Variants in FAP observed in about 807,000 individuals in gnomAD.
FAP encodes prolyl endopeptidase FAP.
FAP carries 110 observed loss-of-function variants against 126.5 expected under a neutral mutation model. That is an observed-to-expected ratio of 0.87 (90% confidence interval 0.74 to 1.02). The LOEUF (loss-of-function observed/expected upper bound fraction) is 1.02, where lower values mean the gene tolerates loss of function less well. Ranked by LOEUF, FAP falls within the 50% of genes least tolerant of loss-of-function variation. FAP has a pLI of 0.00. For synonymous variants in FAP, 334 were observed against 297.3 expected (o/e 1.12, Z -1.27); for missense variants, 919 against 909.2 (o/e 1.01, Z -0.14).
rs557348993 is a variant in FAP, at chr2:162,242,779, T to A, written c.91+129A>T. The A allele has an allele frequency of 9.5e-4, 645 of 677,204 alleles. 5 individuals are homozygous for A. In the Middle Eastern group the frequency reaches 0.019, roughly 20 times the overall value. The allele number at this position is 677,204 out of a possible 1,614,324, so 41.9% of individuals were successfully genotyped here. ...AACAACATATCTGTGAGCTTATATG[T>A]CTTCTTAGAAATAACAGACTTACTT... On this transcript the variant is annotated intron_variant, in intron 2 of 25. Coordinates refer to ENST00000188790, the MANE Select transcript of FAP (RefSeq NM_004460.5).
At position 162,221,729 on chromosome 2, in the gene FAP, TA is replaced by T. The variant is rs543579443; in HGVS notation, c.414-1805del. ...TGCCATTTTCTGTTTTCTGAGTCAC[TA>T]AAGGTATGAGAAAAGGCGAGGGAGG... On this transcript the variant is annotated intron_variant, in intron 6 of 25. Coordinates refer to ENST00000188790, the MANE Select transcript of FAP (RefSeq NM_004460.5). 7.8e-4 allele frequency: 357 copies of T among 456,670 alleles called. 1 individual carries two copies. The highest frequency in any genetic ancestry group is 6.1e-3 in the African/African-American group (304 of 50,178). 28.3% of individuals were successfully genotyped at this position (456,670 alleles called of 1,614,324 possible). A position where few individuals can be genotyped will look rare whatever the true frequency, so the allele number is the denominator to read the frequency against.
intron 15 of FAP, among the ~76,000 whole-genome samples, chr2:162,200,318 T>C (rs1286139663): frequency 6.6e-6 from 1 of 152,254 alleles, no homozygotes; most frequent in Admixed American, 6.5e-5. Context: ...AGTACCAGAA[T>C]AGTATTTAGT....
intron 20 of FAP, 102 bp from the exon 21 acceptor site, chr2:162,183,570 CA>C (rs1400343404): frequency 1.5e-5 from 11 of 720,236 alleles, no homozygotes; most frequent in African/African-American, 1.4e-4. Flanking sequence ...AGAAACGCTA[CA>C]TTTTCTTTGT....
At chr2:162,199,860 A>T (rs1017233615) in intron 15 of FAP, among the ~76,000 whole-genome samples, 6 of 152,206 alleles carry the variant, frequency 3.9e-5, no homozygotes, top group Admixed American at 2.6e-4. Context: ...TAGTATGTTA[A>T]CATATGTCCC....
chr2:162,224,914 C>G (rs1372743972), intron 4 of FAP, among the ~76,000 whole-genome samples: 1 of 152,088 alleles, frequency 6.6e-6, no homozygotes, highest in Non-Finnish European at 1.5e-5. Flanking sequence ...ATTATCTAAA[C>G]TTGGTTTCAA....
chr2:162,219,682 C>T (rs546728801), intron 7 of FAP, among the ~76,000 whole-genome samples, 171 bp downstream of exon 7: 6 of 152,186 alleles, frequency 3.9e-5, no homozygotes, highest in South Asian at 2.1e-4. Flanking sequence ...TGAGATTTTG[C>T]GGAATTCTCA....
chr2:162,201,330 C>T (rs1210879861), intron 14 of FAP, among the ~76,000 whole-genome samples: 2 of 152,050 alleles, frequency 1.3e-5, no homozygotes, highest in Non-Finnish European at 2.9e-5. Flanking sequence ...TCACTATGTC[C>T]CAGGTATCAT....
chr2:162,213,501 C>T (rs968886434), intron 11 of FAP, among the ~76,000 whole-genome samples: 1 of 149,458 alleles, frequency 6.7e-6, no homozygotes, highest in African/African-American at 2.5e-5. Context: ...TAATTTTTAA[C>T]ATTGAATAGA....
At position 162,202,814 on chromosome 2, in the gene FAP, A is replaced by T. The variant is rs559113405; in HGVS notation, c.1223+58T>A. ...TAAGAGAGTTGGTACAGTATCATTT[A>T]TGTCCATCGGTGCCAATTAAAACCT... On this transcript the variant is annotated intron_variant, in intron 14 of 25. Coordinates refer to ENST00000188790, the MANE Select transcript of FAP (RefSeq NM_004460.5). The T allele has an allele frequency of 8.9e-6, 11 of 1,235,916 alleles. No individual in the cohort carries two copies. The South Asian group carries it at 1.2e-4, about 14-fold the overall frequency. The allele number at this position is 1,235,916 out of a possible 1,614,324, so 76.6% of individuals were successfully genotyped here. A position where few individuals can be genotyped will look rare whatever the true frequency, so the allele number is the denominator to read the frequency against.
intron 12 of FAP, among the ~76,000 whole-genome samples, chr2:162,208,983 T>A (rs981967906): frequency 6.6e-6 from 1 of 152,080 alleles, no homozygotes; most frequent in Non-Finnish European, 1.5e-5. Context: ...TTAAACAGCA[T>A]GTAAGCCAAA....
intron 14 of FAP, among the ~76,000 whole-genome samples, chr2:162,202,534 G>A (rs1438230714): frequency 6.6e-6 from 1 of 152,132 alleles, no homozygotes; most frequent in Non-Finnish European, 1.5e-5. Context: ...CCATATCTAT[G>A]GGCTGCCCTC....
chr2:162,182,075 A>G (rs374738914), intron 21 of FAP, among the ~76,000 whole-genome samples: 2 of 152,220 alleles, frequency 1.3e-5, no homozygotes, highest in East Asian at 1.9e-4. Context: ...CATTTGCCCA[A>G]CTAGATGTGG....
In FAP at chr2:162,174,963, A is replaced by C; in HGVS notation, c.1873T>G (p.Tyr625Asp). 2 of 1,605,724 alleles carry C rather than the reference A, an allele frequency of 1.2e-6. No individual in the cohort carries two copies. Among genetic ancestry groups the C allele is most frequent in the South Asian group, 2.2e-5 (2 of 90,770 alleles). Residue 625 changes from tyrosine to aspartate, a missense_variant, in exon 22 of 26, where the codon TAT becomes GAT. Physicochemically the swap from Tyr to Asp is radical, Grantham distance 160. Transcript: ENST00000188790. The part of the protein sequence containing the change: ...EKRIAIWGWS[Y>D]GGYVSSLALA... ...GCCAGTGATGAAACGTATCCTCCAT[A>C]GGACTGTAGAGACATTGTTATGAGT...
intron 11 of FAP, 91 bp downstream of exon 11, chr2:162,213,847 C>A: frequency 3.7e-6 from 5 of 1,339,166 alleles, no homozygotes; most frequent in Non-Finnish European, 5.0e-6. Context: ...GTAATCCTGG[C>A]TTTACAACAT....
Position 162,243,445 on chromosome 2 carries a change from C to A in FAP, c.-118G>T, listed in dbSNP as rs1690439261. 2 of 1,391,032 alleles carry A rather than the reference C, an allele frequency of 1.4e-6. No homozygotes were observed. The highest frequency in any genetic ancestry group is 1.9e-6 in the Non-Finnish European group (2 of 1,040,880). The allele number at this position is 1,391,032 out of a possible 1,614,324, so 86.2% of individuals were successfully genotyped here. A position where few individuals can be genotyped will look rare whatever the true frequency, so the allele number is the denominator to read the frequency against. On this transcript the variant is annotated 5_prime_UTR_variant, in exon 1 of 26. Coordinates refer to ENST00000188790, the MANE Select transcript of FAP (RefSeq NM_004460.5). ...TTGTAGTTGGAAGCTGAAGCCAGGA[C>A]AAGGTTTTTTTCTTTCCACGGACTT...
intron 2 of FAP, among the ~76,000 whole-genome samples, chr2:162,240,015 A>T (rs1411994896): frequency 6.6e-6 from 1 of 152,142 alleles, no homozygotes; most frequent in East Asian, 1.9e-4. Flanking sequence ...AATAAGGGGA[A>T]GTCAAGGAGC....
chr2:162,179,035 A>G (rs899294624), intron 21 of FAP, among the ~76,000 whole-genome samples: 3 of 152,096 alleles, frequency 2.0e-5, no homozygotes, highest in Non-Finnish European at 2.9e-5. Context: ...CCCTTGGCCC[A>G]TCCTCTCCCC....
chr2:162,190,526 C>CT (rs1179998868), intron 17 of FAP, among the ~76,000 whole-genome samples: 1 of 152,042 alleles, frequency 6.6e-6, no homozygotes, highest in Non-Finnish European at 1.5e-5. Flanking sequence ...GGAACAAATC[C>CT]ATTGATCTCT....
intron 16 of FAP, chr2:162,195,095 T>A: frequency 3.5e-6 from 1 of 284,020 alleles, no homozygotes; most frequent in Non-Finnish European, 6.8e-6. Context: ...CAGTTTTGGC[T>A]GTGTCTTTAT....
Sources: allele counts gnomAD v4.1 joint callset (sites outside exome capture counted in the v4.1 genomes callset), GRCh38; gene constraint gnomAD v4.1.1; transcripts MANE v1.5; gene names NCBI Gene and HGNC (gene_info 2026-07-23, HGNC 2026-07-21).